Variants in CNTN4 observed in about 807,000 individuals in gnomAD.
CNTN4 encodes the protein contactin-4.
In CNTN4, 77 loss-of-function variants were observed where a neutral mutation model predicts 122.5. The observed-to-expected ratio is 0.63, with a 90% CI of 0.52 to 0.76. CNTN4 has a LOEUF of 0.76. Among genes scored for constraint, CNTN4 ranks in the 30% least tolerant of loss-of-function variants. The pLI is 0.00. For missense variants in CNTN4, 1,256 were observed against 1,259.1 expected (o/e 1.00, Z 0.04); for synonymous variants, 512 against 447.0 (o/e 1.15, Z -1.83).
intron 4 of CNTN4, among the ~76,000 whole-genome samples, chr3:2,616,576 C>T (rs1323366314): frequency 6.6e-6 from 1 of 152,168 alleles, no homozygotes; most frequent in Non-Finnish European, 1.5e-5. Flanking sequence ...AATGGTTGAA[C>T]TCATTTACAT....
intron 4 of CNTN4, among the ~76,000 whole-genome samples, chr3:2,727,538 T>G (rs911366900): frequency 9.9e-5 from 15 of 152,242 alleles, no homozygotes; most frequent in African/African-American, 3.4e-4. Flanking sequence ...AGGGTCAGAG[T>G]AGGATACATT....
At chr3:2,605,127 TC>T (rs1308950364) in intron 4 of CNTN4, among the ~76,000 whole-genome samples, 1 of 152,130 alleles carries the variant, frequency 6.6e-6, no homozygotes, top group Non-Finnish European at 1.5e-5. Context: ...CCACCTCAGC[TC>T]CCAAGTGCTA....
intron 4 of CNTN4, among the ~76,000 whole-genome samples, chr3:2,719,131 C>T (rs2087680431): frequency 6.6e-6 from 1 of 152,152 alleles, no homozygotes; most frequent in African/African-American, 2.4e-5. Flanking sequence ...AAGGGAGGGA[C>T]CTTGTCAATC....
intron 2 of CNTN4, among the ~76,000 whole-genome samples, chr3:2,240,435 C>G (rs1180460880): frequency 2.0e-5 from 3 of 152,044 alleles, no homozygotes; most frequent in African/African-American, 7.2e-5. Context: ...AATATACCAA[C>G]AGCAGATATC....
intron 2 of CNTN4, among the ~76,000 whole-genome samples, chr3:2,231,971 A>G (rs1230268855): frequency 2.0e-5 from 3 of 152,150 alleles, no homozygotes; most frequent in Non-Finnish European, 4.4e-5. Flanking sequence ...ATATTTCTAT[A>G]AAGAATTTTC....
intron 2 of CNTN4, among the ~76,000 whole-genome samples, chr3:2,239,361 A>G (rs190285469): frequency 6.6e-6 from 1 of 152,190 alleles, no homozygotes; most frequent in South Asian, 2.1e-4. Flanking sequence ...AACTCTGCTA[A>G]TGCTTGTCTA....
At chr3:2,606,401 C>T (rs903683503) in intron 4 of CNTN4, among the ~76,000 whole-genome samples, 6 of 152,082 alleles carry the variant, frequency 3.9e-5, no homozygotes, top group Non-Finnish European at 5.9e-5. Flanking sequence ...GCTTAATACT[C>T]AGGTGATAGG....
intron 6 of CNTN4, among the ~76,000 whole-genome samples, chr3:2,788,881 T>C (rs1238575045): frequency 1.3e-5 from 2 of 152,308 alleles, no homozygotes; most frequent in Middle Eastern, 3.4e-3. Flanking sequence ...TTTAAAGATA[T>C]AACAGTCAAA....
intron 3 of CNTN4, among the ~76,000 whole-genome samples, chr3:2,530,047 C>T (rs1168957335): frequency 6.6e-6 from 1 of 152,134 alleles, no homozygotes; most frequent in Non-Finnish European, 1.5e-5. Flanking sequence ...CATCACACTT[C>T]CTCCCTGGCA....
At chr3:2,673,777 C>T (rs113932078) in intron 4 of CNTN4, among the ~76,000 whole-genome samples, 14,173 of 152,146 alleles carry the variant, frequency 0.093, 902 homozygotes, top group South Asian at 0.26. Context: ...TTCCCGACCT[C>T]GTGATCCGCC....
intron 6 of CNTN4, among the ~76,000 whole-genome samples, chr3:2,778,750 A>T (rs572682318): frequency 3.3e-5 from 5 of 152,270 alleles, no homozygotes; most frequent in African/African-American, 1.2e-4. Context: ...GAGAGAGGGG[A>T]AGAAAACAAC....
chr3:2,217,181 T>C (rs2038879115), intron 2 of CNTN4, among the ~76,000 whole-genome samples: 1 of 152,182 alleles, frequency 6.6e-6, no homozygotes, highest in South Asian at 2.1e-4. Context: ...GGCTTTTCTG[T>C]GACATGAGTC....
intron 2 of CNTN4, among the ~76,000 whole-genome samples, chr3:2,145,295 T>C (rs2035191862): frequency 6.6e-6 from 1 of 152,138 alleles, no homozygotes; most frequent in African/African-American, 2.4e-5. Context: ...GTCCACACAT[T>C]TATCATACCA....
chr3:2,107,744 A>G (rs1365967049), intron 2 of CNTN4, among the ~76,000 whole-genome samples: 1 of 152,136 alleles, frequency 6.6e-6, no homozygotes, highest in Non-Finnish European at 1.5e-5. Flanking sequence ...ACCAAGCAAA[A>G]AAGAGGAAAG....
intron 10 of CNTN4, among the ~76,000 whole-genome samples, chr3:2,898,308 A>G (rs1361333536): frequency 6.6e-6 from 1 of 152,182 alleles, no homozygotes; most frequent in Non-Finnish European, 1.5e-5. Context: ...GTCTTCTATG[A>G]ATTAATTTTA....
intron 7 of CNTN4, among the ~76,000 whole-genome samples, chr3:2,820,900 T>G (rs77369101): frequency 0.054 from 8,153 of 150,182 alleles, 731 homozygotes; most frequent in African/African-American, 0.19. Context: ...TGCAACTAAC[T>G]GAAAACCCAG....
At chr3:3,041,354 G>GC (rs1412475538) in intron 20 of CNTN4, among the ~76,000 whole-genome samples, 2 of 152,162 alleles carry the variant, frequency 1.3e-5, no homozygotes, top group African/African-American at 4.8e-5. Flanking sequence ...ACAAGCTTCA[G>GC]CCCTTTTCAT....
At chr3:2,846,296 TAGTG>T (rs1035049856) in intron 7 of CNTN4, among the ~76,000 whole-genome samples, 4 of 152,180 alleles carry the variant, frequency 2.6e-5, no homozygotes, top group South Asian at 2.1e-4. Context: ...GTTCTCATGA[TAGTG>T]AGTGAATTCT....
chr3:2,805,684 G>A (rs1358282177), intron 6 of CNTN4, among the ~76,000 whole-genome samples: 1 of 152,054 alleles, frequency 6.6e-6, no homozygotes, highest in Non-Finnish European at 1.5e-5. Context: ...AGTGAGCAGG[G>A]CCGAGGTGGA....
Sources: gnomAD v4.1 joint callset for allele counts (sites outside exome capture counted in the v4.1 genomes callset) on GRCh38, gnomAD v4.1.1 for gene constraint, MANE v1.5 for transcripts, NCBI Gene and HGNC (gene_info 2026-07-23, HGNC 2026-07-21) for gene names.